GPC6: variants seen among roughly 807,000 people sequenced by gnomAD.
GPC6 encodes glypican-6.
GPC6 carries 14 observed loss-of-function variants against 55.2 expected under a neutral mutation model. The observed-to-expected ratio is 0.25, with a 90% CI of 0.17 to 0.40. GPC6 has a LOEUF of 0.40. GPC6 is among the 10% of genes least tolerant of loss of function. GPC6 has a pLI of 1.00. For missense variants in GPC6, 641 were observed against 708.5 expected (o/e 0.90, Z 1.08); for synonymous variants, 278 against 259.6 (o/e 1.07, Z -0.68).
intron 4 of GPC6, among the ~76,000 whole-genome samples, chr13:94,219,699 C>G (rs543796451): frequency 2.0e-5 from 3 of 152,236 alleles, no homozygotes; most frequent in Admixed American, 1.3e-4. Context: ...AGCAAGGAGA[C>G]AGGAGCAGAC....
chr13:93,534,623 G>T (rs1298005317), intron 1 of GPC6, among the ~76,000 whole-genome samples: 1 of 152,160 alleles, frequency 6.6e-6, no homozygotes, highest in East Asian at 1.9e-4. Flanking sequence ...TCACATTTCT[G>T]CTGTCACCTC....
At position 93,895,222 on chromosome 13, in the gene GPC6, A is replaced by ATGTGTGTGTG. The variant is rs369480808; in HGVS notation, c.711+64681_711+64690dup. Among the ~76,000 whole-genome samples the ATGTGTGTGTG allele has an allele frequency of 2.7e-3, 146 of 53,590 alleles. 11 individuals are homozygous for ATGTGTGTGTG. The highest frequency in any genetic ancestry group is 0.01 in the African/African-American group (133 of 12,700). The allele number at this position is 53,590 out of a possible 152,430, so 35.2% of individuals were successfully genotyped here. On this transcript the variant is annotated intron_variant, in intron 3 of 8. Transcript: ENST00000377047. The stretch of plus-strand genomic sequence containing the variant: ...TATATATGTGTGTGTGTGTGTATGT[A>ATGTGTGTGTG]TGTGTGTGTGTGTATATATATATAT...
intron 3 of GPC6, among the ~76,000 whole-genome samples, chr13:94,015,971 A>G (rs1882450136): frequency 6.6e-6 from 1 of 152,228 alleles, no homozygotes; most frequent in Non-Finnish European, 1.5e-5. Flanking sequence ...ACATTGTCAT[A>G]CAGTACATCT....
At chr13:94,265,215 T>C (rs1327644362) in intron 4 of GPC6, among the ~76,000 whole-genome samples, 2 of 152,126 alleles carry the variant, frequency 1.3e-5, no homozygotes, top group Non-Finnish European at 2.9e-5. Context: ...AAAGAACTAA[T>C]AGGATAGATG....
chr13:93,461,649 A>T (rs1947077), intron 1 of GPC6, among the ~76,000 whole-genome samples: 25,974 of 120,844 alleles, frequency 0.21, 2,829 homozygotes, highest in East Asian at 0.51. Flanking sequence ...ATAGCTGAAG[A>T]TACTAGGTCC....
intron 2 of GPC6, among the ~76,000 whole-genome samples, chr13:93,546,934 A>T (rs1222461506): frequency 1.3e-5 from 2 of 152,118 alleles, no homozygotes; most frequent in Non-Finnish European, 2.9e-5. Flanking sequence ...TAATTCCAGG[A>T]CAGTATTCAT....
intron 3 of GPC6, among the ~76,000 whole-genome samples, chr13:93,942,922 G>A (rs534809399): frequency 3.2e-4 from 49 of 152,078 alleles, no homozygotes; most frequent in Non-Finnish European, 5.4e-4. Flanking sequence ...CCTCAGTTGG[G>A]ATGGCCTTGC....
At chr13:93,770,074 T>A (rs957894650) in intron 2 of GPC6, among the ~76,000 whole-genome samples, 2 of 152,126 alleles carry the variant, frequency 1.3e-5, no homozygotes, top group Non-Finnish European at 2.9e-5. Flanking sequence ...CTATTTAGGG[T>A]TGAAGATGAG....
At chr13:93,882,751 G>A (rs1380617701) in intron 3 of GPC6, among the ~76,000 whole-genome samples, 2 of 151,986 alleles carry the variant, frequency 1.3e-5, no homozygotes, top group Non-Finnish European at 2.9e-5. Context: ...AGAAATGAAA[G>A]CCCTGTTCTG....
rs115468505 is a variant in GPC6 at position 94,108,449 on chromosome 13, G to A, written c.877+80555G>A. Reference sequence around the variant, plus strand: ...GTTCTTGTATGCTGCTTAGGTGACGGGTGCACCGAAATCTCACAAATCACC... The same window carrying A: ...GTTCTTGTATGCTGCTTAGGTGACGAGTGCACCGAAATCTCACAAATCACC... On this transcript the variant is annotated intron_variant, in intron 4 of 8. Coordinates refer to ENST00000377047, the MANE Select transcript of GPC6 (RefSeq NM_005708.5). 2.5e-3 allele frequency among the ~76,000 whole-genome samples: 382 copies of A among 152,058 alleles called. 2 individuals carry two copies. Among genetic ancestry groups the A allele is most frequent in the African/African-American group, 8.9e-3 (369 of 41,456 alleles).
intron 4 of GPC6, among the ~76,000 whole-genome samples, chr13:94,090,255 A>G (rs1379203856): frequency 6.6e-6 from 1 of 152,136 alleles, no homozygotes; most frequent in African/African-American, 2.4e-5. Flanking sequence ...TGTCATGAGA[A>G]CAGCATGGGA....
intron 2 of GPC6, among the ~76,000 whole-genome samples, chr13:93,565,251 A>G (rs781206295): frequency 9.2e-5 from 14 of 151,994 alleles, no homozygotes; most frequent in Non-Finnish European, 1.9e-4. Context: ...ACATTCTGTA[A>G]TTTTCGACTT....
At chr13:93,966,760 CCCT>C (rs1422474155) in intron 3 of GPC6, among the ~76,000 whole-genome samples, 1 of 150,516 alleles carries the variant, frequency 6.6e-6, no homozygotes, top group African/African-American at 2.4e-5. Flanking sequence ...AAGCAATCCT[CCCT>C]CCTCAGCCTC....
At chr13:94,107,522 T>C (rs951490918) in intron 4 of GPC6, among the ~76,000 whole-genome samples, 13 of 151,862 alleles carry the variant, frequency 8.6e-5, no homozygotes, top group African/African-American at 3.1e-4. Flanking sequence ...CCTTACTAGA[T>C]AAATAACCTC....
intron 1 of GPC6, among the ~76,000 whole-genome samples, chr13:93,466,648 G>A (rs935684276): frequency 9.2e-5 from 14 of 152,318 alleles, no homozygotes; most frequent in African/African-American, 3.4e-4. Flanking sequence ...GGCTGCCATG[G>A]GGGATTTTTA....
At chr13:93,880,857 A>C in intron 3 of GPC6, among the ~76,000 whole-genome samples, 1 of 144,180 alleles carries the variant, frequency 6.9e-6, no homozygotes, top group East Asian at 2.1e-4. Context: ...TAAATAAATA[A>C]AAATAAAAAT....
At chr13:93,398,655 C>T (rs1388479081) in intron 1 of GPC6, among the ~76,000 whole-genome samples, 1 of 152,096 alleles carries the variant, frequency 6.6e-6, no homozygotes, top group Non-Finnish European at 1.5e-5. Context: ...ATGCACTGAA[C>T]ACTTGCTATA....
intron 2 of GPC6, among the ~76,000 whole-genome samples, chr13:93,818,148 A>G (rs988420264): frequency 3.4e-5 from 5 of 149,096 alleles, no homozygotes; most frequent in African/African-American, 1.2e-4. Context: ...AAAACAACTC[A>G]GAAATGAAGG....
chr13:94,072,559 G>A (rs1361246188), intron 4 of GPC6, among the ~76,000 whole-genome samples: 1 of 152,152 alleles, frequency 6.6e-6, no homozygotes, highest in East Asian at 1.9e-4. Flanking sequence ...TCACCATGTT[G>A]GCAAGAATGG....
Sources: allele counts gnomAD v4.1 joint callset (sites outside exome capture counted in the v4.1 genomes callset), GRCh38; gene constraint gnomAD v4.1.1; transcripts MANE v1.5; gene names NCBI Gene and HGNC (gene_info 2026-07-23, HGNC 2026-07-21).